SLC16A10: variants seen among roughly 807,000 people sequenced by gnomAD.
SLC16A10 encodes the protein solute carrier family 16 member 10.
A neutral mutation model predicts 40.0 loss-of-function variants in SLC16A10; 27 were observed. The observed-to-expected ratio is 0.67, with a 90% CI of 0.50 to 0.93. The LOEUF is 0.93. Ranked by LOEUF, SLC16A10 falls within the 40% of genes least tolerant of loss-of-function variation. The pLI is 0.00. For synonymous variants in SLC16A10, 213 were observed against 249.8 expected (o/e 0.85, Z 1.39); for missense variants, 529 against 658.2 (o/e 0.80, Z 2.15).
In SLC16A10 at chr6:111,174,704, A is replaced by G. The variant is rs528158681; in HGVS notation, c.488+1865A>G. Among the ~76,000 whole-genome samples the G allele has an allele frequency of 4.0e-4, 61 of 152,170 alleles. 1 individual carries two copies. Among genetic ancestry groups the G allele is most frequent in the African/African-American group, 1.4e-3 (59 of 41,510 alleles). The stretch of plus-strand genomic sequence containing the variant: ...TTGATCTGGAAGCTTCCAGGTACCT[A>G]TTGTCAGTACTTGTGGCTCTACCAC... On this transcript the variant is annotated intron_variant, in intron 2 of 5. Coordinates refer to ENST00000368851, the MANE Select transcript of SLC16A10 (RefSeq NM_018593.5).
intron 3 of SLC16A10, among the ~76,000 whole-genome samples, chr6:111,178,020 A>G (rs1047990332): frequency 9.9e-5 from 15 of 152,214 alleles, no homozygotes; most frequent in African/African-American, 2.9e-4. Flanking sequence ...AAAATAAAAT[A>G]AATGTCCCCA....
chr6:111,112,540 G>T (rs1771409066), intron 1 of SLC16A10, among the ~76,000 whole-genome samples: 1 of 152,194 alleles, frequency 6.6e-6, no homozygotes, highest in African/African-American at 2.4e-5. Flanking sequence ...ACACATAGTA[G>T]ACATTCAGTG....
At chr6:111,149,593 A>G (rs1411885835) in intron 1 of SLC16A10, among the ~76,000 whole-genome samples, 1 of 152,214 alleles carries the variant, frequency 6.6e-6, no homozygotes, top group African/African-American at 2.4e-5. Context: ...GATTTCTATA[A>G]GGCTTATAAT....
intron 1 of SLC16A10, among the ~76,000 whole-genome samples, chr6:111,169,655 A>T (rs951001720): frequency 6.6e-6 from 1 of 152,216 alleles, no homozygotes; most frequent in Admixed American, 6.5e-5. Flanking sequence ...ACCTAAAGTG[A>T]CCATAAGCCT....
intron 1 of SLC16A10, among the ~76,000 whole-genome samples, chr6:111,140,215 C>T (rs1771957123): frequency 6.6e-6 from 1 of 152,272 alleles, no homozygotes; most frequent in South Asian, 2.1e-4. Flanking sequence ...CTAATCCCAG[C>T]ACTTTGGGAG....
At chr6:111,181,587 A>G (rs1772792418) in intron 3 of SLC16A10, among the ~76,000 whole-genome samples, 1 of 152,168 alleles carries the variant, frequency 6.6e-6, no homozygotes, top group Non-Finnish European at 1.5e-5. Context: ...TCAACTAGGG[A>G]ACTAACTTAC....
At chr6:111,163,362 C>T (rs940064461) in intron 1 of SLC16A10, among the ~76,000 whole-genome samples, 5 of 151,372 alleles carry the variant, frequency 3.3e-5, no homozygotes, top group Admixed American at 6.6e-5. Flanking sequence ...CCGTTTTAGC[C>T]GGGATGGTCT....
intron 3 of SLC16A10, among the ~76,000 whole-genome samples, chr6:111,184,732 C>T (rs1435153678): frequency 2.0e-5 from 3 of 152,160 alleles, no homozygotes; most frequent in African/African-American, 2.4e-5. Flanking sequence ...CTGTCTGCCT[C>T]GGCCTCCCAA....
chr6:111,097,334 CAG>C (rs1299775970), intron 1 of SLC16A10, among the ~76,000 whole-genome samples: 1 of 151,674 alleles, frequency 6.6e-6, no homozygotes, highest in African/African-American at 2.4e-5. Flanking sequence ...TTTTTGGAGA[CAG>C]AGTCTTGCTC....
At chr6:111,107,571 TA>T (rs1211332786) in intron 1 of SLC16A10, among the ~76,000 whole-genome samples, 3 of 152,238 alleles carry the variant, frequency 2.0e-5, no homozygotes, top group Admixed American at 1.3e-4. Context: ...GTTCATGCTG[TA>T]ATTGAAGAGG....
intron 1 of SLC16A10, among the ~76,000 whole-genome samples, chr6:111,101,821 G>C (rs865944905): frequency 6.6e-6 from 1 of 152,018 alleles, no homozygotes; most frequent in African/African-American, 2.4e-5. Flanking sequence ...GGGTTTCGCC[G>C]TGTTGGCCAG....
chr6:111,168,061 A>G (rs1370567024), intron 1 of SLC16A10, among the ~76,000 whole-genome samples: 1 of 151,006 alleles, frequency 6.6e-6, no homozygotes, highest in African/African-American at 2.4e-5. Flanking sequence ...CTCACTGGAA[A>G]CTCCACCTCC....
intron 2 of SLC16A10, among the ~76,000 whole-genome samples, chr6:111,173,953 T>C (rs1242523067): frequency 6.6e-6 from 1 of 152,114 alleles, no homozygotes; most frequent in African/African-American, 2.4e-5. Context: ...GCCAAAAAGA[T>C]TGGGGATTCC....
intron 1 of SLC16A10, among the ~76,000 whole-genome samples, chr6:111,123,925 T>G (rs907622915): frequency 6.6e-6 from 1 of 152,324 alleles, no homozygotes; most frequent in Non-Finnish European, 1.5e-5. Flanking sequence ...TTTAAAATTT[T>G]CAAGAATCCC....
chr6:111,193,313 TTGAC>T, intron 3 of SLC16A10: 1 of 985,898 alleles, frequency 1.0e-6, no homozygotes, highest in Non-Finnish European at 1.2e-6. Context: ...CTGCTGCAAT[TTGAC>T]TGTTCAGGTT....
intron 1 of SLC16A10, among the ~76,000 whole-genome samples, chr6:111,115,916 A>G (rs1025890960): frequency 6.6e-6 from 1 of 152,100 alleles, no homozygotes; most frequent in Non-Finnish European, 1.5e-5. Context: ...AAAGGACTGA[A>G]GGGGTGTTTG....
At chr6:111,202,002 C>T (rs1773175041) in intron 3 of SLC16A10, among the ~76,000 whole-genome samples, 1 of 152,238 alleles carries the variant, frequency 6.6e-6, no homozygotes, top group African/African-American at 2.4e-5. Context: ...CATGTGATGT[C>T]TCCAAATGTC....
intron 1 of SLC16A10, among the ~76,000 whole-genome samples, chr6:111,128,682 G>T (rs964761826): frequency 2.6e-5 from 4 of 152,144 alleles, no homozygotes; most frequent in African/African-American, 9.7e-5. Flanking sequence ...TCAAAAGAGA[G>T]TGTGTTGTTC....
At chr6:111,188,265 C>G (rs948636263) in intron 3 of SLC16A10, among the ~76,000 whole-genome samples, 3 of 151,530 alleles carry the variant, frequency 2.0e-5, no homozygotes, top group Non-Finnish European at 4.4e-5. Flanking sequence ...CTCTCTCCCT[C>G]TCTCCCTCTC....
Sources: allele counts gnomAD v4.1 joint callset (sites outside exome capture counted in the v4.1 genomes callset), GRCh38; gene constraint gnomAD v4.1.1; transcripts MANE v1.5; gene names NCBI Gene and HGNC (gene_info 2026-07-23, HGNC 2026-07-21).